RNF19A: variants seen among roughly 807,000 people sequenced by gnomAD.
The protein encoded by RNF19A is ring finger protein 19A, RBR E3 ubiquitin protein ligase, also known as E3 ubiquitin-protein ligase RNF19A.
In RNF19A, 32 loss-of-function variants were observed where a neutral mutation model predicts 75.7. The ratio of observed to expected loss-of-function variants is 0.42; its 90% CI spans 0.32 to 0.57. The LOEUF is 0.57. Among genes scored for constraint, RNF19A ranks in the 20% least tolerant of loss-of-function variants. The pLI is 0.10. For missense variants in RNF19A, 782 were observed against 1,036.3 expected (o/e 0.75, Z 3.37); for synonymous variants, 335 against 345.2 (o/e 0.97, Z 0.33).
chr8:100,307,262 A>G (rs977471902), intron 1 of RNF19A, among the ~76,000 whole-genome samples: 2 of 152,224 alleles, frequency 1.3e-5, no homozygotes, highest in Non-Finnish European at 2.9e-5. Flanking sequence ...TAGAGAAGAT[A>G]TAAGTGAGCA....
chr8:100,313,232 G>T, upstream of RNF19A: 2 of 691,200 alleles, frequency 2.9e-6, no homozygotes, highest in Non-Finnish European at 3.6e-6. Flanking sequence ...TTTGCATGGT[G>T]CTTACATTGG....
At position 100,258,820 on chromosome 8, in the gene RNF19A, G is replaced by A; in HGVS notation, c.2253C>T (p.His751=). Residue 751 remains histidine (H), a synonymous_variant, in exon 10 of 10, where the codon CAC becomes CAT. Transcript: ENST00000341084. This position sits in a 1 kb window ranked among gnomAD's most constrained non-coding sequence, Gnocchi z 4.3. ...GAATGTTAACAGTAGCAAAGCGGGT[G>A]TGATAATCACTGGAACCATGACTAC... ...TSCSHGSSDY[H]TRFATVNILP... 6.2e-7 allele frequency: 1 copy of A among 1,614,192 alleles called. No individual in the cohort carries two copies.
chr8:100,322,966 A>G lies in RNF19A; in HGVS notation c.-242-9594T>C, dbSNP rs1244890469. 6.6e-6 allele frequency among the ~76,000 whole-genome samples: 1 copy of G among 152,248 alleles called. No individual in the cohort carries two copies. Among genetic ancestry groups the G allele is most frequent in the Non-Finnish European group, 1.5e-5 (1 of 68,050 alleles). On this transcript the variant is annotated intron_variant, in intron 1 of 3. Coordinates refer to the RNF19A transcript ENST00000519527. The surrounding 1 kb of genome is among the most constrained non-coding windows in gnomAD (Gnocchi z 5.1). ...AGATCACCATAACAGATATAATAAT[A>G]ACTTAAAAGTTTGAAATATTGTGAG... is the stretch of plus-strand genomic sequence containing the variant.
At position 100,325,282 on chromosome 8, in the gene RNF19A, C is replaced by A. The variant is rs775930325; in HGVS notation, c.-243+10826G>T. On this transcript the variant is annotated intron_variant, in intron 1 of 3. Coordinates refer to the RNF19A transcript ENST00000519527. This position sits in a 1 kb window ranked among gnomAD's most constrained non-coding sequence, Gnocchi z 4.3. ...ATACTGAAGGCAGAGAACTTAAGAG[C>A]CTGAAGGGTTTTTGCAGAGAGTTTG... Among the ~76,000 whole-genome samples, 20 of 152,144 alleles carry A rather than the reference C, an allele frequency of 1.3e-4. No homozygotes were observed. Among genetic ancestry groups the A allele is most frequent in the Non-Finnish European group, 1.9e-4 (13 of 68,028 alleles).
intron 2 of RNF19A, among the ~76,000 whole-genome samples, chr8:100,280,304 T>C (rs1820722307): frequency 6.6e-6 from 1 of 152,126 alleles, no homozygotes; most frequent in Admixed American, 6.5e-5. Context: ...AACTAGCAAA[T>C]AATAAAAAGA....
rs549653539 is a variant in RNF19A, at chr8:100,275,228, T to A, written c.675-67A>T. 14 of 1,384,028 alleles carry A rather than the reference T, an allele frequency of 1.0e-5. No individual in the cohort carries two copies. In the East Asian group the frequency reaches 3.2e-4, roughly 32 times the overall value. The allele number at this position is 1,384,028 out of a possible 1,614,324, so 85.7% of individuals were successfully genotyped here. A position where few individuals can be genotyped will look rare whatever the true frequency, so the allele number is the denominator to read the frequency against. On this transcript the variant is annotated intron_variant, in intron 2 of 9. Coordinates refer to ENST00000341084, the MANE Select transcript of RNF19A (RefSeq NM_183419.4). This position sits in a 1 kb window ranked among gnomAD's most constrained non-coding sequence, Gnocchi z 4.3. ...CAAGAGATACTCATTTCAAAAAGTA[T>A]CCAACTAAAGATTATTCCTGAAAAA...
At chr8:100,289,675 T>C (rs1254870223) in intron 1 of RNF19A, among the ~76,000 whole-genome samples, 26 of 151,628 alleles carry the variant, frequency 1.7e-4, no homozygotes. Context: ...GAATAGGAAC[T>C]CTCTTACACT....
intron 5 of RNF19A, among the ~76,000 whole-genome samples, chr8:100,267,821 C>A (rs565764779): frequency 1.3e-5 from 2 of 151,574 alleles, no homozygotes; most frequent in East Asian, 3.9e-4. Context: ...ATTACAGGCA[C>A]CTGCCACCAT....
At chr8:100,263,102 G>C (rs1011997020) in intron 7 of RNF19A, among the ~76,000 whole-genome samples, 2 of 152,142 alleles carry the variant, frequency 1.3e-5, no homozygotes, top group African/African-American at 4.8e-5. Context: ...TGAAGTTCAG[G>C]GGAGAGGTCG....
Position 100,322,802 on chromosome 8 carries a change from G to T in RNF19A, c.-242-9430C>A, listed in dbSNP as rs1430058739. Among the ~76,000 whole-genome samples, 1 of 152,150 alleles carries T rather than the reference G, an allele frequency of 6.6e-6. No individual in the cohort carries two copies. The highest frequency in any genetic ancestry group is 1.5e-5 in the Non-Finnish European group (1 of 68,026). On this transcript the variant is annotated intron_variant, in intron 1 of 3. Coordinates refer to the RNF19A transcript ENST00000519527. The surrounding 1 kb of genome is among the most constrained non-coding windows in gnomAD (Gnocchi z 5.1). ...TTCCAAGAATAGGGAGGCCCAAGAA[G>T]AGGAAGAGATGGGGGAATGGCTGGT...
At position 100,298,210 on chromosome 8, in the gene RNF19A, A is replaced by AAAAAC. The variant is rs1232676159; in HGVS notation, c.-93-9944_-93-9943insGTTTT. The stretch of plus-strand genomic sequence containing the variant: ...CCATGTATTGGGTTAAAAAAAAAAA[A>AAAAAC]AACACTTATTACACATTAGGTTAGA... On this transcript the variant is annotated intron_variant, in intron 1 of 9. Coordinates refer to ENST00000341084, the MANE Select transcript of RNF19A (RefSeq NM_183419.4). 2.3e-3 allele frequency among the ~76,000 whole-genome samples: 352 copies of AAAAAC among 152,044 alleles called. 1 individual carries two copies. The highest frequency in any genetic ancestry group is 8.1e-3 in the African/African-American group (337 of 41,446).
chr8:100,330,847 C>G lies in RNF19A; in HGVS notation c.-243+5261G>C, dbSNP rs1171729341. 2.0e-5 allele frequency among the ~76,000 whole-genome samples: 3 copies of G among 152,244 alleles called. No homozygotes were observed. The highest frequency in any genetic ancestry group is 4.4e-5 in the Non-Finnish European group (3 of 68,042). ...CCTGCCCACCTCTCCAACTTCATCT[C>G]TCTCCACAACCCTCTTGAGACTCTT... On this transcript the variant is annotated intron_variant, in intron 1 of 3. Transcript: ENST00000519527. The surrounding 1 kb of genome is among the most constrained non-coding windows in gnomAD (Gnocchi z 4.1).
At chr8:100,315,746 C>T (rs1377371550) in intron 1 of RNF19A, among the ~76,000 whole-genome samples, 1 of 152,128 alleles carries the variant, frequency 6.6e-6, no homozygotes, top group Non-Finnish European at 1.5e-5. Context: ...TGGACTCAAG[C>T]GATCCTCCCA....
chr8:100,281,980 T>C (rs977583473), intron 2 of RNF19A, among the ~76,000 whole-genome samples: 1 of 152,216 alleles, frequency 6.6e-6, no homozygotes, highest in Admixed American at 6.5e-5. Flanking sequence ...ATTTGCAACC[T>C]GCAGACAGGA....
At chr8:100,304,106 A>C (rs961870427) in intron 1 of RNF19A, among the ~76,000 whole-genome samples, 19 of 151,982 alleles carry the variant, frequency 1.3e-4, no homozygotes, top group African/African-American at 4.6e-4. Flanking sequence ...GCAGGTGCCC[A>C]CCACCATACC....
At chr8:100,299,842 A>C (rs1198657155) in intron 1 of RNF19A, among the ~76,000 whole-genome samples, 1 of 152,232 alleles carries the variant, frequency 6.6e-6, no homozygotes, top group Admixed American at 6.5e-5. Context: ...CCTCAACTCC[A>C]TACAAATTAT....
chr8:100,289,707 C>A (rs1276187536), intron 1 of RNF19A, among the ~76,000 whole-genome samples: 1 of 152,078 alleles, frequency 6.6e-6, no homozygotes, highest in East Asian at 1.9e-4. Context: ...TGTAAAATGG[C>A]ACAATTACTT....
At chr8:100,319,829 CTTTTTTTTTCTTT>C (rs1822439655) in intron 1 of RNF19A, among the ~76,000 whole-genome samples, 3 of 145,032 alleles carry the variant, frequency 2.1e-5, no homozygotes, top group African/African-American at 7.6e-5. Flanking sequence ...CGCGTCCAGG[CTTTTTTTTTCTTT>C]TTTTTTTTTC....
At chr8:100,272,576 C>T (rs1365497553) in intron 3 of RNF19A, among the ~76,000 whole-genome samples, 1 of 150,830 alleles carries the variant, frequency 6.6e-6, no homozygotes, top group African/African-American at 2.4e-5. Flanking sequence ...CTTGTTCTGT[C>T]GCTCAGGCTA....
Sources: gnomAD v4.1 joint callset for allele counts (sites outside exome capture counted in the v4.1 genomes callset) on GRCh38, gnomAD v4.1.1 for gene constraint, Gnocchi (gnomAD v3.1) non-coding constraint, MANE v1.5 for transcripts, NCBI Gene and HGNC (gene_info 2026-07-23, HGNC 2026-07-21) for gene names.